SLCO1B3: variants seen among roughly 807,000 people sequenced by gnomAD.
The protein encoded by SLCO1B3 is solute carrier organic anion transporter family member 1B3, also known as liver-specific organic anion transporter 2.
Under a neutral mutation model 71.8 loss-of-function variants are expected in SLCO1B3, and 72 were observed. That is an observed-to-expected ratio of 1.00 (90% CI 0.83 to 1.22). The LOEUF is 1.22. SLCO1B3 is among the 50% of genes most tolerant of loss of function. SLCO1B3 has a pLI of 0.00. For synonymous variants in SLCO1B3, 298 were observed against 278.4 expected, an observed-to-expected ratio of 1.07 and a Z score of -0.70; for missense variants, 911 against 819.7, an observed-to-expected ratio of 1.11 and a Z score of -1.36.
At chr12:20,887,521 G>A (rs564629548) in intron 13 of SLCO1B3, among the ~76,000 whole-genome samples, 1 of 151,832 alleles carries the variant, frequency 6.6e-6, no homozygotes, top group Non-Finnish European at 1.5e-5. Context: ...GTCTTCTTTT[G>A]AAAAATGTCT....
intron 3 of SLCO1B3, among the ~76,000 whole-genome samples, chr12:20,849,387 T>C (rs557774556): frequency 6.6e-6 from 1 of 152,062 alleles, no homozygotes; most frequent in Admixed American, 6.6e-5. Flanking sequence ...AAACTAGTAA[T>C]ATAAGGGACC....
intron 15 of SLCO1B3, among the ~76,000 whole-genome samples, chr12:20,904,255 A>AATG (rs1866188518): frequency 6.9e-6 from 1 of 143,962 alleles, no homozygotes; most frequent in African/African-American, 2.6e-5. Flanking sequence ...AAAAAAAATT[A>AATG]GTTACTTCCA....
intron 13 of SLCO1B3, among the ~76,000 whole-genome samples, chr12:20,885,947 CAG>C (rs1252947744): frequency 3.3e-5 from 5 of 151,930 alleles, no homozygotes; most frequent in Non-Finnish European, 7.4e-5. Context: ...AGAATGAAAT[CAG>C]GGAAAACAAA....
chr12:20,879,378 CAT>C, intron 10 of SLCO1B3, 56 bp from the exon 11 acceptor site: 1 of 1,220,766 alleles, frequency 8.2e-7, no homozygotes, highest in African/African-American at 1.5e-5. Context: ...TATATAAAGA[CAT>C]ATCAGAAAAA....
intron 13 of SLCO1B3, among the ~76,000 whole-genome samples, chr12:20,887,669 C>G (rs1413845109): frequency 6.6e-6 from 1 of 150,600 alleles, no homozygotes; most frequent in African/African-American, 2.4e-5. Flanking sequence ...TGTGGTTTGT[C>G]TGTATACTCT....
intron 3 of SLCO1B3, among the ~76,000 whole-genome samples, chr12:20,834,526 T>C (rs1009118021): frequency 8.1e-5 from 12 of 148,392 alleles, no homozygotes; most frequent in African/African-American, 2.9e-4. Flanking sequence ...ATCCTATATT[T>C]ATATATAATA....
chr12:20,904,755 C>CTTTTTTTTTT (rs775996155), intron 15 of SLCO1B3, among the ~76,000 whole-genome samples: 3 of 56,112 alleles, frequency 5.3e-5, no homozygotes, highest in African/African-American at 2.7e-4. Context: ...GACATCCAGG[C>CTTTTTTTTTT]TTTTTTTTTT....
At chr12:20,848,923 C>T (rs10770753) in intron 3 of SLCO1B3, among the ~76,000 whole-genome samples, 109,811 of 151,776 alleles carry the variant, frequency 0.72, 42,283 homozygotes, top group South Asian at 0.88. Flanking sequence ...TATCAATATA[C>T]ATTTATCAGA....
intron 3 of SLCO1B3, among the ~76,000 whole-genome samples, chr12:20,822,001 A>C (rs949895220): frequency 3.3e-5 from 5 of 152,200 alleles, no homozygotes; most frequent in African/African-American, 7.2e-5. Context: ...AGGGATAGTG[A>C]AGGAAGTTGG....
intron 3 of SLCO1B3, among the ~76,000 whole-genome samples, chr12:20,836,817 AT>A (rs959444521): frequency 1.3e-5 from 2 of 151,608 alleles, no homozygotes; most frequent in African/African-American, 4.9e-5. Flanking sequence ...AATTTTTTGT[AT>A]TTTTACTAGA....
intron 3 of SLCO1B3, among the ~76,000 whole-genome samples, chr12:20,837,246 G>A (rs1324685914): frequency 1.3e-5 from 2 of 151,252 alleles, no homozygotes; most frequent in African/African-American, 4.9e-5. Flanking sequence ...TAAATTTTAT[G>A]GATCTTTCTA....
chr12:20,855,262 G>T, intron 4 of SLCO1B3, 93 bp downstream of exon 4: 5 of 1,099,080 alleles, frequency 4.5e-6, no homozygotes, highest in South Asian at 1.6e-5. Context: ...TCTGGACTAG[G>T]TGTAAATTTG....
intron 1 of SLCO1B3, among the ~76,000 whole-genome samples, chr12:20,811,185 G>A (rs1365546794): frequency 6.6e-6 from 1 of 152,136 alleles, no homozygotes; most frequent in Admixed American, 6.6e-5. Context: ...GTAGGAGTGG[G>A]CGGGTGGAGG....
chr12:20,822,646 C>G (rs959501719), intron 3 of SLCO1B3, among the ~76,000 whole-genome samples: 1 of 152,134 alleles, frequency 6.6e-6, no homozygotes, highest in Non-Finnish European at 1.5e-5. Flanking sequence ...GTTACTGAAT[C>G]TACATGTTGC....
Position 20,916,169 on chromosome 12 carries a change from T to C in SLCO1B3, c.2031T>C (p.Gly677=). The change falls in exon 16 of 16, where the codon GGT becomes GGC. Residue 677 remains glycine (G), a synonymous_variant. Transcript: ENST00000381545. ...DEANLEFLNN[G]EHFVPSAGTD... Reference sequence around the variant, plus strand: ...CAAACTTAGAATTCTTAAATAATGGTGAACATTTTGTACCTTCTGCTGGAA... The same window carrying C: ...CAAACTTAGAATTCTTAAATAATGGCGAACATTTTGTACCTTCTGCTGGAA... 1 of 1,612,470 alleles carries C rather than the reference T, an allele frequency of 6.2e-7. No homozygotes were observed. Among genetic ancestry groups the C allele is most frequent in the South Asian group, 1.1e-5 (1 of 91,052 alleles).
In SLCO1B3 at chr12:20,858,446, G is replaced by T. The variant is rs1436613909; in HGVS notation, c.234G>T (p.Leu78Phe). ...LIDGSFEIGN[L>F]LVIVFVSYFG... ...ATTTTGTTTTTTTTCTAGGAAATTT[G>T]CTTGTGATTGTATTTGTAAGTTACT... is the stretch of plus-strand genomic sequence containing the variant. Residue 78 changes from leucine (L) to phenylalanine (F), a missense_variant, in exon 5 of 16, where the codon TTG becomes TTT. By Grantham distance (22) the Leu-to-Phe change is conservative. Transcript: ENST00000381545. The T allele has an allele frequency of 1.3e-6, 2 of 1,583,050 alleles. No homozygotes were observed. Among genetic ancestry groups the T allele is most frequent in the African/African-American group, 1.3e-5 (1 of 74,190 alleles).
At chr12:20,851,680 G>C (rs1310718852) in intron 3 of SLCO1B3, among the ~76,000 whole-genome samples, 1 of 152,054 alleles carries the variant, frequency 6.6e-6, no homozygotes, top group Non-Finnish European at 1.5e-5. Flanking sequence ...AGTCACATTT[G>C]TCTATTTTTT....
chr12:20,829,244 A>T (rs895441478), intron 3 of SLCO1B3, among the ~76,000 whole-genome samples: 2 of 152,232 alleles, frequency 1.3e-5, no homozygotes, highest in African/African-American at 4.8e-5. Flanking sequence ...TGCTAATCTT[A>T]ACTTTTAGTA....
rs1225473723 is a variant in SLCO1B3 at position 20,815,695 on chromosome 12, T to C, written c.-44T>C. 8.0e-7 allele frequency: 1 copy of C among 1,252,010 alleles called. No individual in the cohort carries two copies. Among genetic ancestry groups the C allele is most frequent in the Admixed American group, 1.8e-5 (1 of 55,608 alleles). The allele number at this position is 1,252,010 out of a possible 1,614,324, so 77.6% of individuals were successfully genotyped here. Reference sequence around the variant, plus strand: ...ACAGGTGATCATTTCAAACCAAGCATCAGCAACAATTAAAAATATTCACTT... The same window carrying C: ...ACAGGTGATCATTTCAAACCAAGCACCAGCAACAATTAAAAATATTCACTT... On this transcript the variant is annotated 5_prime_UTR_variant, in exon 3 of 16. Transcript: ENST00000381545.
Sources: allele counts gnomAD v4.1 joint callset (sites outside exome capture counted in the v4.1 genomes callset), GRCh38; gene constraint gnomAD v4.1.1; transcripts MANE v1.5; gene names NCBI Gene and HGNC (gene_info 2026-07-23, HGNC 2026-07-21).